Variants in NLGN1 observed in about 807,000 individuals in gnomAD.
NLGN1 encodes neuroligin-1.
A neutral mutation model predicts 65.5 loss-of-function variants in NLGN1; 12 were observed. That is an observed-to-expected ratio of 0.18 (90% CI 0.12 to 0.30). The LOEUF (loss-of-function observed/expected upper bound fraction) is 0.30, where lower values mean the gene tolerates loss of function less well. Ranked by LOEUF, NLGN1 falls within the 10% of genes least tolerant of loss-of-function variation. The pLI, the probability that NLGN1 is intolerant of heterozygous loss-of-function variation, is 1.00. For missense variants in NLGN1, 750 were observed against 1,007.1 expected, an observed-to-expected ratio of 0.74 and a Z score of 3.46; for synonymous variants, 350 against 359.5, an observed-to-expected ratio of 0.97 and a Z score of 0.30.
intron 2 of NLGN1, among the ~76,000 whole-genome samples, chr3:173,533,940 C>T (rs1737032796): frequency 6.6e-6 from 1 of 152,048 alleles, no homozygotes; most frequent in Non-Finnish European, 1.5e-5. Flanking sequence ...CGTGATCGTG[C>T]CACTGCACTC....
Position 173,931,333 on chromosome 3 carries a change from G to GA in NLGN1, c.646+123507dup, listed in dbSNP as rs1322791783. The stretch of plus-strand genomic sequence containing the variant: ...GTTAGTGGGTGAGAAGTGCTTTGAA[G>GA]AAAAAACAAAGCATAGAGGTGGCAT... On this transcript the variant is annotated intron_variant, in intron 4 of 6. Transcript: ENST00000457714. Among the ~76,000 whole-genome samples the GA allele has an allele frequency of 5.3e-5, 8 of 152,154 alleles. No individual in the cohort carries two copies. In the South Asian group the frequency reaches 1.5e-3, roughly 28 times the overall value.
Position 174,056,107 on chromosome 3 carries a change from A to G in NLGN1, c.647-219208A>G, listed in dbSNP as rs113494444. Among the ~76,000 whole-genome samples the G allele has an allele frequency of 2.9e-3, 445 of 152,208 alleles. 3 individuals are homozygous for G. Among genetic ancestry groups the G allele is most frequent in the African/African-American group, 0.01 (426 of 41,562 alleles). Reference sequence around the variant, plus strand: ...TATTATTACTTCCCTTTAAAGATGTATAACCTAAAGCTTAGAGGGGTTAAG... The same window carrying G: ...TATTATTACTTCCCTTTAAAGATGTGTAACCTAAAGCTTAGAGGGGTTAAG... On this transcript the variant is annotated intron_variant, in intron 4 of 6. Transcript: ENST00000457714.
intron 2 of NLGN1, among the ~76,000 whole-genome samples, chr3:173,489,893 G>C (rs1728818356): frequency 6.6e-6 from 1 of 152,128 alleles, no homozygotes; most frequent in African/African-American, 2.4e-5. Flanking sequence ...CTTTTGAGAA[G>C]TGTCTGTTCA....
At chr3:173,808,469 A>T (rs1030821591) in intron 4 of NLGN1, among the ~76,000 whole-genome samples, 1 of 152,302 alleles carries the variant, frequency 6.6e-6, no homozygotes, top group South Asian at 2.1e-4. Context: ...GTATAGAGAC[A>T]TATTACTTAT....
intron 2 of NLGN1, among the ~76,000 whole-genome samples, chr3:173,447,468 C>T (rs1323728858): frequency 6.6e-6 from 1 of 152,118 alleles, no homozygotes; most frequent in Non-Finnish European, 1.5e-5. Flanking sequence ...GTTACTGTAG[C>T]CTTGTAGTAT....
chr3:173,825,598 G>A (rs1179926077), intron 4 of NLGN1, among the ~76,000 whole-genome samples: 4 of 151,994 alleles, frequency 2.6e-5, no homozygotes, highest in African/African-American at 4.8e-5. Flanking sequence ...AGTTCCCAAC[G>A]AAATTAGTGG....
chr3:173,709,562 G>C (rs1267413569), intron 3 of NLGN1, among the ~76,000 whole-genome samples: 1 of 152,086 alleles, frequency 6.6e-6, no homozygotes, highest in Non-Finnish European at 1.5e-5. Context: ...AGCACTTGGG[G>C]AGGTTGAGAC....
chr3:174,014,130 G>C (rs1296882849), intron 4 of NLGN1, among the ~76,000 whole-genome samples: 3 of 152,108 alleles, frequency 2.0e-5, no homozygotes, highest in Non-Finnish European at 4.4e-5. Context: ...GAGTTAACAA[G>C]ACAAGTTAAC....
chr3:174,266,821 T>TAA (rs1748340876), intron 4 of NLGN1, among the ~76,000 whole-genome samples: 1 of 152,214 alleles, frequency 6.6e-6, no homozygotes, highest in Non-Finnish European at 1.5e-5. Flanking sequence ...TATAAATATT[T>TAA]AACTTTTTGT....
chr3:173,852,172 C>T (rs1330843146), intron 4 of NLGN1, among the ~76,000 whole-genome samples: 5 of 150,708 alleles, frequency 3.3e-5, no homozygotes, highest in Middle Eastern at 3.4e-3. Flanking sequence ...CTGGCTAACA[C>T]GGTGAAACCC....
chr3:174,184,041 C>T (rs1282074501), intron 4 of NLGN1, among the ~76,000 whole-genome samples: 1 of 152,016 alleles, frequency 6.6e-6, no homozygotes, highest in Non-Finnish European at 1.5e-5. Context: ...TGCCCCACAA[C>T]TCATAAGAAA....
chr3:173,708,104 G>A (rs1269933258), intron 3 of NLGN1, among the ~76,000 whole-genome samples: 2 of 152,152 alleles, frequency 1.3e-5, no homozygotes, highest in Non-Finnish European at 2.9e-5. Flanking sequence ...GTTTTGCATT[G>A]AGGCCAAGAG....
intron 4 of NLGN1, among the ~76,000 whole-genome samples, chr3:173,897,119 A>G (rs775780935): frequency 1.2e-4 from 18 of 152,136 alleles, no homozygotes; most frequent in Non-Finnish European, 1.6e-4. Flanking sequence ...TTCTTCTTCA[A>G]ACTCTCTATT....
chr3:173,720,151 A>C (rs1487394936), intron 3 of NLGN1, among the ~76,000 whole-genome samples: 1 of 152,224 alleles, frequency 6.6e-6, no homozygotes, highest in Non-Finnish European at 1.5e-5. Context: ...TTTTTAAAAA[A>C]TGCTGATTTC....
intron 2 of NLGN1, among the ~76,000 whole-genome samples, chr3:173,488,838 T>G (rs73038182): frequency 0.18 from 26,785 of 151,718 alleles, 2,554 homozygotes; most frequent in Middle Eastern, 0.27. Flanking sequence ...CTTTCAAAAT[T>G]TTTTCCTTCA....
chr3:174,025,924 G>T (rs775403886), intron 4 of NLGN1, among the ~76,000 whole-genome samples: 12 of 152,096 alleles, frequency 7.9e-5, no homozygotes, highest in Non-Finnish European at 1.8e-4. Flanking sequence ...AGAGAGAAAG[G>T]AAGCCATTTT....
rs74750780 is a variant in NLGN1 at position 173,652,951 on chromosome 3, G to A, written c.493+47860G>A. On this transcript the variant is annotated intron_variant, in intron 3 of 6. Transcript: ENST00000457714. ...AGACTTTTGTAGCTTCCCTTGTAGA[G>A]ATCTTTCACCTCTTGTTTAAATATG... is the stretch of plus-strand genomic sequence containing the variant. Among the ~76,000 whole-genome samples the A allele has an allele frequency of 3.7e-3, 564 of 152,028 alleles. 27 individuals are homozygous for A. The South Asian group carries it at 0.084, about 23-fold the overall frequency.
chr3:173,728,539 C>A (rs1772226189), intron 3 of NLGN1, among the ~76,000 whole-genome samples: 1 of 151,948 alleles, frequency 6.6e-6, no homozygotes, highest in South Asian at 2.1e-4. Flanking sequence ...TTCATGTCAA[C>A]CCCACACCTC....
At chr3:174,130,027 G>A (rs914954337) in intron 4 of NLGN1, among the ~76,000 whole-genome samples, 1 of 152,208 alleles carries the variant, frequency 6.6e-6, no homozygotes, top group South Asian at 2.1e-4. Flanking sequence ...ACCACACTAG[G>A]AAAGAGACTG....
Sources: gnomAD v4.1 joint callset for allele counts (sites outside exome capture counted in the v4.1 genomes callset) on GRCh38, gnomAD v4.1.1 for gene constraint, MANE v1.5 for transcripts, NCBI Gene and HGNC (gene_info 2026-07-23, HGNC 2026-07-21) for gene names.